Variants in DPP6 observed in about 807,000 individuals in gnomAD.
DPP6 encodes the protein dipeptidyl peptidase like 6.
In DPP6, 69 loss-of-function variants were observed where a neutral mutation model predicts 122.6. That is an observed-to-expected ratio of 0.56 (90% CI 0.46 to 0.69). DPP6 has a LOEUF of 0.69. DPP6 is among the 30% of genes least tolerant of loss of function. The pLI is 0.00. For synonymous variants in DPP6, 418 were observed against 433.1 expected, an observed-to-expected ratio of 0.97 and a Z score of 0.43; for missense variants, 928 against 1,116.9, an observed-to-expected ratio of 0.83 and a Z score of 2.41.
intron 3 of DPP6, among the ~76,000 whole-genome samples, chr7:154,520,208 C>G (rs990884315): frequency 1.3e-5 from 2 of 152,204 alleles, no homozygotes; most frequent in African/African-American, 4.8e-5. Flanking sequence ...TTACTTGTCT[C>G]TCAAATTTAT....
At chr7:153,863,971 G>A in the DPP6 span, among the ~76,000 whole-genome samples, 1 of 152,058 alleles carries the variant, frequency 6.6e-6, no homozygotes, top group Non-Finnish European at 1.5e-5. Context: ...TTGTTTATCC[G>A]TTCATTAGTC....
chr7:154,835,363 C>A (rs967089673), intron 16 of DPP6, among the ~76,000 whole-genome samples: 2 of 152,162 alleles, frequency 1.3e-5, no homozygotes, highest in Admixed American at 6.6e-5. Flanking sequence ...ACCTTCATCT[C>A]GGACTTCTGG....
intron 1 of DPP6, among the ~76,000 whole-genome samples, chr7:154,302,292 G>C (rs1805963503): frequency 6.6e-6 from 1 of 152,172 alleles, no homozygotes; most frequent in African/African-American, 2.4e-5. Flanking sequence ...TTGTTCTTCT[G>C]TGCCTGGCTC....
chr7:153,964,320 G>A (rs1020599239), intron 1 of DPP6, among the ~76,000 whole-genome samples: 14 of 152,116 alleles, frequency 9.2e-5, no homozygotes, highest in Admixed American at 9.2e-4. Context: ...TCAAACAAAA[G>A]TTCACCTGCT....
chr7:153,910,430 C>A (rs577784364), intron 1 of DPP6, among the ~76,000 whole-genome samples: 1 of 152,114 alleles, frequency 6.6e-6, no homozygotes, highest in Non-Finnish European at 1.5e-5. Flanking sequence ...TCCAGGTCAC[C>A]CTTCCCTCCA....
chr7:154,189,715 A>C (rs1225156807), intron 1 of DPP6, among the ~76,000 whole-genome samples: 1 of 152,204 alleles, frequency 6.6e-6, no homozygotes, highest in Non-Finnish European at 1.5e-5. Flanking sequence ...GGTTGAGACC[A>C]GCGAGGCTAT....
chr7:154,301,965 G>A (rs749177366), intron 1 of DPP6, among the ~76,000 whole-genome samples: 4 of 151,866 alleles, frequency 2.6e-5, no homozygotes, highest in African/African-American at 4.8e-5. Context: ...CTACAGGAGC[G>A]TGACACCACG....
intron 5 of DPP6, among the ~76,000 whole-genome samples, chr7:154,593,858 C>T (rs1053090198): frequency 2.0e-5 from 3 of 152,232 alleles, no homozygotes; most frequent in African/African-American, 4.8e-5. Flanking sequence ...AACTGGATGG[C>T]ATTTTCACAG....
intron 1 of DPP6, among the ~76,000 whole-genome samples, chr7:153,895,727 TGCACACACACACAC>T (rs1013557853): frequency 3.8e-5 from 3 of 78,184 alleles, no homozygotes; most frequent in Non-Finnish European, 7.5e-5. Flanking sequence ...TGTGCATGCG[TGCACACACACACAC>T]ACACACACAC....
chr7:154,623,843 T>G (rs1409994312), intron 5 of DPP6, among the ~76,000 whole-genome samples: 1 of 152,220 alleles, frequency 6.6e-6, no homozygotes, highest in African/African-American at 2.4e-5. Flanking sequence ...CAGCATAAAC[T>G]TACCCCAAAG....
chr7:154,023,361 C>CACACACACACACACACACA (rs1269497103), intron 1 of DPP6, among the ~76,000 whole-genome samples: 1 of 151,192 alleles, frequency 6.6e-6, no homozygotes, highest in African/African-American at 2.4e-5. Flanking sequence ...CACACACACA[C>CACACACACACACACACACA]TTCTTAAGTC....
In DPP6 at chr7:154,196,319, G is replaced by A. The variant is rs775228729; in HGVS notation, c.243+143256G>A. Reference sequence around the variant, plus strand: ...AGCCTGGCCAACATGGTGAAACCCTGTCTCTACTAAAAATACAAAAATTAG... The same window carrying A: ...AGCCTGGCCAACATGGTGAAACCCTATCTCTACTAAAAATACAAAAATTAG... On this transcript the variant is annotated intron_variant, in intron 1 of 25. Coordinates refer to ENST00000377770, the MANE Select transcript of DPP6 (RefSeq NM_130797.4). Among the ~76,000 whole-genome samples, 12 of 152,254 alleles carry A rather than the reference G, an allele frequency of 7.9e-5. No homozygotes were observed. In the East Asian group the frequency reaches 9.7e-4, roughly 12 times the overall value.
intron 1 of DPP6, among the ~76,000 whole-genome samples, chr7:154,034,467 G>A (rs1034017705): frequency 1.3e-5 from 2 of 152,108 alleles, no homozygotes; most frequent in African/African-American, 2.4e-5. Context: ...ATGAGTTCCT[G>A]TTCTAGAGCT....
At chr7:154,556,484 A>G (rs1429499335) in intron 4 of DPP6, among the ~76,000 whole-genome samples, 1 of 152,210 alleles carries the variant, frequency 6.6e-6, no homozygotes, top group East Asian at 1.9e-4. Context: ...TGCTGGCATA[A>G]CTAACTCTTC....
Position 154,833,486 on chromosome 7 carries a change from G to A in DPP6, c.1667-20294G>A, listed in dbSNP as rs7797588. ...TGGGATAGTAGTACCAGCCTTGTAC[G>A]GCTGACGAAGTGTAAATTATTTATT... On this transcript the variant is annotated intron_variant, in intron 16 of 25. Coordinates refer to ENST00000377770, the MANE Select transcript of DPP6 (RefSeq NM_130797.4). The surrounding 1 kb of genome is among the most constrained non-coding windows in gnomAD (Gnocchi z 4.3). Among the ~76,000 whole-genome samples, 9,476 of 152,168 alleles carry A rather than the reference G, an allele frequency of 0.062. 954 individuals are homozygous for A. Among genetic ancestry groups the A allele is most frequent in the African/African-American group, 0.21 (8,837 of 41,468 alleles).
chr7:154,026,028 C>T (rs376692216), intron 1 of DPP6, among the ~76,000 whole-genome samples: 8,405 of 144,612 alleles, frequency 0.058, 306 homozygotes, highest in African/African-American at 0.11. Context: ...ATGCCTTAGG[C>T]TTCAGCCCAC....
At chr7:154,474,065 T>C (rs543120393) in intron 2 of DPP6, among the ~76,000 whole-genome samples, 14 of 152,310 alleles carry the variant, frequency 9.2e-5, no homozygotes, top group African/African-American at 3.4e-4. Context: ...GAGTTTCTTA[T>C]TAGTATCACA....
At chr7:154,614,986 G>A (rs542131860) in intron 5 of DPP6, among the ~76,000 whole-genome samples, 3 of 152,218 alleles carry the variant, frequency 2.0e-5, no homozygotes, top group Middle Eastern at 3.2e-3. Flanking sequence ...CTTTCATTCA[G>A]TGCAGGCTAC....
the DPP6 span, among the ~76,000 whole-genome samples, chr7:153,792,234 C>T: frequency 6.6e-6 from 1 of 152,182 alleles, no homozygotes; most frequent in East Asian, 1.9e-4. Context: ...TTTCCATTTC[C>T]ATATGAATTT....
Sources: allele counts gnomAD v4.1 joint callset (sites outside exome capture counted in the v4.1 genomes callset), GRCh38; gene constraint gnomAD v4.1.1; non-coding constraint Gnocchi (gnomAD v3.1); transcripts MANE v1.5; gene names NCBI Gene and HGNC (gene_info 2026-07-23, HGNC 2026-07-21).